SHB: variants seen among roughly 807,000 people sequenced by gnomAD.
SHB encodes SH2 domain-containing adapter protein B.
SHB carries 20 observed loss-of-function variants against 52.3 expected under a neutral mutation model. That is an observed-to-expected ratio of 0.38 (90% CI 0.27 to 0.56). The LOEUF (loss-of-function observed/expected upper bound fraction) is 0.56. SHB is among the 20% of genes least tolerant of loss of function. The probability of loss-of-function intolerance (pLI) is 0.71; values close to 1 mark genes in which losing one functional copy is unlikely to be tolerated. For synonymous variants in SHB, 397 were observed against 316.5 expected, an observed-to-expected ratio of 1.25 and a Z score of -2.70; for missense variants, 825 against 723.3, an observed-to-expected ratio of 1.14 and a Z score of -1.61.
chr9:38,059,555 A>T (rs1156450212), intron 1 of SHB, among the ~76,000 whole-genome samples: 2 of 152,214 alleles, frequency 1.3e-5, no homozygotes, highest in Non-Finnish European at 2.9e-5. Flanking sequence ...ACATTAATAG[A>T]AATATTACTG....
At position 38,016,063 on chromosome 9, in the gene SHB, C is replaced by G. The variant is rs1443988909; in HGVS notation, c.786G>C (p.Lys262Asn). 6.2e-7 allele frequency: 1 copy of G among 1,614,220 alleles called. No individual in the cohort carries two copies. The highest frequency in any genetic ancestry group is 2.2e-5 in the East Asian group (1 of 44,894). The part of the protein sequence containing the change: ...AKNDLKSKAG[K>N]GESAGYMEPY... Reference sequence around the variant, plus strand: ...GCTCCATGTAGCCAGCACTCTCCCCCTTTCCTGCTTTGCTCTTGAGATCAT... The same window carrying G: ...GCTCCATGTAGCCAGCACTCTCCCCGTTTCCTGCTTTGCTCTTGAGATCAT... Residue 262 changes from lysine (K) to asparagine (N), a missense_variant, in exon 2 of 6, where the codon AAG becomes AAC. Lys to Asn is a moderately conservative substitution (Grantham distance 94). Coordinates refer to ENST00000377707, the MANE Select transcript of SHB (RefSeq NM_003028.3).
At chr9:38,063,997 A>G (rs1373014979) in intron 1 of SHB, among the ~76,000 whole-genome samples, 1 of 152,144 alleles carries the variant, frequency 6.6e-6, no homozygotes, top group Non-Finnish European at 1.5e-5. Flanking sequence ...AATTATAATA[A>G]AAGAAACAAG....
Position 37,973,469 on chromosome 9 carries a change from C to T in SHB, c.1054+1153G>A, listed in dbSNP as rs1002798574. 1.3e-4 allele frequency among the ~76,000 whole-genome samples: 20 copies of T among 152,282 alleles called. No homozygotes were observed. The East Asian group carries it at 1.9e-3, about 15-fold the overall frequency. On this transcript the variant is annotated intron_variant, in intron 3 of 5. Transcript: ENST00000377707. ...AACTCCCAACCTCAGGTGATCCACC[C>T]GCCTCGGCCTCCCAAAGTGCCAGGA...
At chr9:37,994,691 A>T (rs1820926555) in intron 2 of SHB, among the ~76,000 whole-genome samples, 1 of 152,270 alleles carries the variant, frequency 6.6e-6, no homozygotes, top group East Asian at 1.9e-4. Flanking sequence ...GATGTTACAT[A>T]TGAGGAATAT....
chr9:37,965,972 G>C (rs1820509223), intron 3 of SHB, among the ~76,000 whole-genome samples: 1 of 152,122 alleles, frequency 6.6e-6, no homozygotes, highest in African/African-American at 2.4e-5. Context: ...CTTGTTAGGG[G>C]CCTCCAGGAT....
chr9:37,975,996 T>C (rs534327479), intron 2 of SHB, among the ~76,000 whole-genome samples: 66 of 152,348 alleles, frequency 4.3e-4, no homozygotes, highest in African/African-American at 1.6e-3. Context: ...CTTTATTTTT[T>C]ATTGTGGTAA....
intron 5 of SHB, among the ~76,000 whole-genome samples, chr9:37,935,152 G>A (rs141898214): frequency 6.6e-5 from 10 of 152,264 alleles, no homozygotes; most frequent in Non-Finnish European, 1.2e-4. Flanking sequence ...GTGGGTGTCC[G>A]GGTCACACCA....
intron 4 of SHB, among the ~76,000 whole-genome samples, chr9:37,954,772 C>T (rs1832608948): frequency 6.6e-6 from 1 of 152,156 alleles, no homozygotes; most frequent in African/African-American, 2.4e-5. Context: ...GAATGAATGG[C>T]AGGCTAGGGA....
Position 38,016,141 on chromosome 9 carries a change from G to A in SHB, c.718-10C>T, listed in dbSNP as rs201785733. 1.2e-6 allele frequency: 2 copies of A among 1,613,896 alleles called. No individual in the cohort carries two copies. Among genetic ancestry groups the A allele is most frequent in the African/African-American group, 1.3e-5 (1 of 75,054 alleles). On this transcript the variant is annotated splice_polypyrimidine_tract_variant and intron_variant, in intron 1 of 5. Transcript: ENST00000377707. ...CATCGGCTATGGTCACCTGCAGGGA[G>A]GAAGATGGCAGGTGTGAGTCCACCT...
chr9:37,923,066 T>C (rs1033591360), intron 5 of SHB, among the ~76,000 whole-genome samples: 1 of 152,230 alleles, frequency 6.6e-6, no homozygotes, highest in Admixed American at 6.5e-5. Flanking sequence ...CTCTATGTCC[T>C]GAAGCACCGA....
intron 2 of SHB, among the ~76,000 whole-genome samples, chr9:37,985,831 G>A (rs1587229867): frequency 7.1e-6 from 1 of 141,646 alleles, no homozygotes; most frequent in East Asian, 2.2e-4. Flanking sequence ...ACCACCGTCT[G>A]TAAGCGCTGA....
At chr9:37,982,974 C>CCCG (rs72109305) in intron 2 of SHB, among the ~76,000 whole-genome samples, 2 of 31,962 alleles carry the variant, frequency 6.3e-5, no homozygotes, top group Non-Finnish European at 1.2e-4. Context: ...CTCTCTGGTG[C>CCCG]CCCCCCCTCC....
At chr9:37,958,755 T>A (rs551984883) in intron 3 of SHB, among the ~76,000 whole-genome samples, 1 of 152,198 alleles carries the variant, frequency 6.6e-6, no homozygotes, top group Non-Finnish European at 1.5e-5. Flanking sequence ...ACCACCAGCA[T>A]CTACCCCTCG....
intron 1 of SHB, among the ~76,000 whole-genome samples, chr9:38,048,484 A>G (rs572453873): frequency 6.6e-6 from 1 of 152,210 alleles, no homozygotes; most frequent in Admixed American, 6.5e-5. Flanking sequence ...AAATTTTTAA[A>G]TTAGCTGGGC....
chr9:37,986,223 G>C lies in SHB; in HGVS notation c.839-11386C>G, dbSNP rs560370439. On this transcript the variant is annotated intron_variant, in intron 2 of 5. Coordinates refer to ENST00000377707, the MANE Select transcript of SHB (RefSeq NM_003028.3). ...ACAGCGAGGAGTGGGCCCAGGTGTA[G>C]AAGGCTCTCCAGGAGAGGACGATGA... Among the ~76,000 whole-genome samples the C allele has an allele frequency of 4.0e-3, 614 of 152,310 alleles. 3 individuals carry two copies. The highest frequency in any genetic ancestry group is 0.014 in the African/African-American group (590 of 41,564).
intron 2 of SHB, among the ~76,000 whole-genome samples, chr9:38,009,517 A>AGGGCAGAGCCAG: frequency 6.6e-6 from 1 of 152,376 alleles, no homozygotes; most frequent in African/African-American, 2.4e-5. Context: ...AACCTGCCCA[A>AGGGCAGAGCCAG]GGGCAGAGCC....
intron 1 of SHB, among the ~76,000 whole-genome samples, chr9:38,062,000 A>T (rs1009386492): frequency 1.3e-5 from 2 of 152,244 alleles, no homozygotes; most frequent in Non-Finnish European, 2.9e-5. Flanking sequence ...GATGGGAGAC[A>T]GAGAAACAGA....
chr9:38,023,355 G>GT (rs1157673459), intron 1 of SHB, among the ~76,000 whole-genome samples: 1 of 152,172 alleles, frequency 6.6e-6, no homozygotes, highest in Non-Finnish European at 1.5e-5. Flanking sequence ...CATAAACGTT[G>GT]TAAGGAGCAA....
intron 2 of SHB, among the ~76,000 whole-genome samples, chr9:37,976,286 T>A (rs1820652806): frequency 6.6e-6 from 1 of 152,212 alleles, no homozygotes; most frequent in Non-Finnish European, 1.5e-5. Flanking sequence ...TCTCCCTGCC[T>A]CTGCCTCCCA....
Sources: allele counts gnomAD v4.1 joint callset (sites outside exome capture counted in the v4.1 genomes callset), GRCh38; gene constraint gnomAD v4.1.1; transcripts MANE v1.5; gene names NCBI Gene and HGNC (gene_info 2026-07-23, HGNC 2026-07-21).